TK2: variants seen among roughly 807,000 people sequenced by gnomAD.
TK2 encodes thymidine kinase 2, mitochondrial.
TK2 carries 35 observed loss-of-function variants against 41.9 expected under a neutral mutation model. The ratio of observed to expected loss-of-function variants is 0.84; its 90% CI spans 0.64 to 1.11. The LOEUF is 1.11. TK2 is among the 50% of genes least tolerant of loss of function. The pLI, the probability that TK2 is intolerant of heterozygous loss-of-function variation, is 0.00. For synonymous variants in TK2, 128 were observed against 129.1 expected (o/e 0.99, Z 0.06); for missense variants, 320 against 351.1 (o/e 0.91, Z 0.71).
intron 1 of TK2, chr16:66,549,368 G>C: frequency 8.8e-7 from 1 of 1,135,638 alleles, no homozygotes; most frequent in Non-Finnish European, 1.1e-6. Flanking sequence ...GGCGGACGTG[G>C]TTTTGGGCCT....
rs891543652 is a variant in TK2, at chr16:66,541,827, T to C, written c.231+52A>G. ...AAGGTTAGTCCACACCCTCTATAAA[T>C]TATCCCATCAAGCTTTCTCCGCTTC... On this transcript the variant is annotated intron_variant, in intron 3 of 9. Coordinates refer to ENST00000544898, the MANE Select transcript of TK2 (RefSeq NM_004614.5). The C allele has an allele frequency of 3.1e-6, 5 of 1,590,302 alleles. No individual in the cohort carries two copies. The African/African-American group carries it at 5.4e-5, about 17-fold the overall frequency.
At position 66,517,281 on chromosome 16, in the gene TK2, AGGCAAAGGC is replaced by A. The variant is rs1301872337; in HGVS notation, c.539-75_539-67del. 5 of 1,408,324 alleles carry A rather than the reference AGGCAAAGGC, an allele frequency of 3.6e-6. No homozygotes were observed. Among genetic ancestry groups the A allele is most frequent in the Non-Finnish European group, 5.0e-6 (5 of 992,818 alleles). The allele number at this position is 1,408,324 out of a possible 1,614,324, so 87.2% of individuals were successfully genotyped here. ...TGGCTTGGAAGCAAAGCAGGCACAC[AGGCAAAGGC>A]GGGAGGAAGGTCTGCACAGCTCGAG... On this transcript the variant is annotated intron_variant, in intron 7 of 9. Coordinates refer to ENST00000544898, the MANE Select transcript of TK2 (RefSeq NM_004614.5). The surrounding 1 kb of genome is among the most constrained non-coding windows in gnomAD (Gnocchi z 4.3).
intron 2 of TK2, among the ~76,000 whole-genome samples, chr16:66,542,304 A>G (rs1325213529): frequency 6.6e-6 from 1 of 152,182 alleles, no homozygotes; most frequent in African/African-American, 2.4e-5. Flanking sequence ...CTCCTTAACG[A>G]GAGCTTAATC....
At chr16:66,524,882 C>A (rs1273988287) in intron 6 of TK2, 1 of 152,272 alleles carries the variant, frequency 6.6e-6, no homozygotes, top group Non-Finnish European at 1.5e-5. Flanking sequence ...CTTTGGGGAA[C>A]CCAGTGGGCC....
At chr16:66,516,351 A>G (rs1295482714) in intron 8 of TK2, among the ~76,000 whole-genome samples, 1 of 152,242 alleles carries the variant, frequency 6.6e-6, no homozygotes, top group African/African-American at 2.4e-5. Flanking sequence ...AGTTCCTTAT[A>G]GCCAGAGCAT....
At position 66,536,865 on chromosome 16, in the gene TK2, G is replaced by A. The variant is rs191215570; in HGVS notation, c.285+99C>T. 30 of 1,396,556 alleles carry A rather than the reference G, an allele frequency of 2.1e-5. No individual in the cohort carries two copies. The Admixed American group carries it at 2.7e-4, about 12-fold the overall frequency. The allele number at this position is 1,396,556 out of a possible 1,614,324, so 86.5% of individuals were successfully genotyped here. On this transcript the variant is annotated intron_variant, in intron 4 of 9. Transcript: ENST00000544898. ...GGTCTTCTCCAACTCAGTTAAGAGC[G>A]CAGAGAATGCCTGGGCAGGCAGGGC...
intron 3 of TK2, among the ~76,000 whole-genome samples, chr16:66,539,580 G>T (rs1965392973): frequency 7.5e-6 from 1 of 132,546 alleles, no homozygotes; most frequent in African/African-American, 2.9e-5. Flanking sequence ...CAGCCTGGGT[G>T]ACAGAGCAAG....
intron 3 of TK2, among the ~76,000 whole-genome samples, chr16:66,538,752 G>A (rs1332528833): frequency 6.6e-6 from 1 of 152,198 alleles, no homozygotes; most frequent in Non-Finnish European, 1.5e-5. Flanking sequence ...ACCTCGCTGG[G>A]AAGGTCAGGG....
intron 6 of TK2, among the ~76,000 whole-genome samples, chr16:66,526,407 CCT>C (rs1157751131): frequency 1.3e-5 from 2 of 152,144 alleles, no homozygotes; most frequent in Non-Finnish European, 2.9e-5. Context: ...TATCCTCTCC[CCT>C]TAACCTCTGG....
At position 66,550,112 on chromosome 16, in the gene TK2, C is replaced by A. The variant is rs536265693; in HGVS notation, c.-51G>T. The A allele has an allele frequency of 1.2e-6, 2 of 1,610,110 alleles. No homozygotes were observed. Among genetic ancestry groups the A allele is most frequent in the African/African-American group, 1.3e-5 (1 of 75,044 alleles). On this transcript the variant is annotated 5_prime_UTR_variant, in exon 1 of 10. Coordinates refer to ENST00000544898, the MANE Select transcript of TK2 (RefSeq NM_004614.5). Reference sequence around the variant, plus strand: ...CGGGGTTCCTTCTTGTGCGAGTCGGCGCGGACGACTGCTAGTCCAGCCGTT... The same window carrying A: ...CGGGGTTCCTTCTTGTGCGAGTCGGAGCGGACGACTGCTAGTCCAGCCGTT...
At chr16:66,534,084 A>C (rs1424713375) in intron 4 of TK2, among the ~76,000 whole-genome samples, 1 of 151,578 alleles carries the variant, frequency 6.6e-6, no homozygotes, top group Non-Finnish European at 1.5e-5. Context: ...ACGGATTAAT[A>C]GATTAATGGG....
rs1964460556 is a variant in TK2 at position 66,511,918 on chromosome 16, C to T, written c.*50G>A. 6.4e-7 allele frequency: 1 copy of T among 1,565,908 alleles called. No homozygotes were observed. The highest frequency in any genetic ancestry group is 1.1e-5 in the South Asian group (1 of 90,096). On this transcript the variant is annotated 3_prime_UTR_variant, in exon 10 of 10. Transcript: ENST00000544898. ...TTTCCAGATTGCTCCCAATAGCTAA[C>T]TTGGCAGCAGCAGGCATTTTTCAGA...
At chr16:66,536,861 G>A (rs993393315) in intron 4 of TK2, 103 bp downstream of exon 4, 3 of 1,368,172 alleles carry the variant, frequency 2.2e-6, no homozygotes, top group Non-Finnish European at 2.1e-6. Context: ...ACTCAGTTAA[G>A]AGCGCAGAGA....
In TK2 at chr16:66,511,731, G is replaced by C. The variant is rs986693876; in HGVS notation, c.*237C>G. Reference sequence around the variant, plus strand: ...ACAAAGCCATGGGAGAGGCACCGGGGGAATGTGAGGCTGCGAACAGCAAAG... The same window carrying C: ...ACAAAGCCATGGGAGAGGCACCGGGCGAATGTGAGGCTGCGAACAGCAAAG... On this transcript the variant is annotated 3_prime_UTR_variant, in exon 10 of 10. Coordinates refer to ENST00000544898, the MANE Select transcript of TK2 (RefSeq NM_004614.5). 3 of 589,708 alleles carry C rather than the reference G, an allele frequency of 5.1e-6. No individual in the cohort carries two copies. In the African/African-American group the frequency reaches 5.6e-5, roughly 11 times the overall value. The allele number at this position is 589,708 out of a possible 1,614,324, so 36.5% of individuals were successfully genotyped here. A position where few individuals can be genotyped will look rare whatever the true frequency, so the allele number is the denominator to read the frequency against.
chr16:66,523,542 A>G (rs1964842165), intron 6 of TK2, among the ~76,000 whole-genome samples: 1 of 152,162 alleles, frequency 6.6e-6, no homozygotes, highest in Non-Finnish European at 1.5e-5. Flanking sequence ...AAAAACATCT[A>G]CTTTGGCCAG....
intron 2 of TK2, chr16:66,548,181 A>G (rs1965666820): frequency 5.2e-6 from 2 of 383,296 alleles, no homozygotes; most frequent in Non-Finnish European, 1.1e-5. Flanking sequence ...ACAAACTTCC[A>G]CAAATCTCAA....
In TK2 at chr16:66,517,871, C is replaced by G. The variant is rs766524624; in HGVS notation, c.456G>C (p.Lys152Asn). Residue 152 changes from lysine to asparagine, a missense_variant, in exon 7 of 10, where the codon AAG becomes AAC. Lys to Asn is a moderately conservative substitution (Grantham distance 94). Coordinates refer to ENST00000544898, the MANE Select transcript of TK2 (RefSeq NM_004614.5). This position sits in a 1 kb window ranked among gnomAD's most constrained non-coding sequence, Gnocchi z 4.3. ...GAACTACATAGTCCACTTCTGGCAT[C>G]TTCCCACTGCAATGAGAGTTGTAAG... is the stretch of plus-strand genomic sequence containing the variant. ...IFVENLYRSG[K>N]MPEVDYVVLS... The G allele has an allele frequency of 1.8e-5, 29 of 1,614,118 alleles. No individual in the cohort carries two copies. In the South Asian group the frequency reaches 3.2e-4, roughly 18 times the overall value.
chr16:66,515,138 C>A (rs541128629), intron 8 of TK2, among the ~76,000 whole-genome samples: 1 of 151,394 alleles, frequency 6.6e-6, no homozygotes, highest in South Asian at 2.1e-4. Flanking sequence ...TCCCCCTCTC[C>A]GAGAAACACC....
rs1238653707 is a variant in TK2, at chr16:66,509,652, G to A, written c.*2316C>T. On this transcript the variant is annotated 3_prime_UTR_variant, in exon 10 of 10. Coordinates refer to ENST00000544898, the MANE Select transcript of TK2 (RefSeq NM_004614.5). ...AGGATGAGGTGAGCCCAACATATCT[G>A]GAATGTCACTGCCCTGGGTGGCCCC... 2 of 152,314 alleles carry A rather than the reference G, an allele frequency of 1.3e-5. No individual in the cohort carries two copies. 9.4% of individuals were successfully genotyped at this position (152,314 alleles called of 1,614,324 possible).
Sources: gnomAD v4.1 joint callset for allele counts (sites outside exome capture counted in the v4.1 genomes callset) on GRCh38, gnomAD v4.1.1 for gene constraint, Gnocchi (gnomAD v3.1) non-coding constraint, MANE v1.5 for transcripts, NCBI Gene and HGNC (gene_info 2026-07-23, HGNC 2026-07-21) for gene names.